The following ALK variants were observed in gnomAD, a reference collection of about 807,000 sequenced individuals.
ALK encodes the protein ALK receptor tyrosine kinase, also known as ALK tyrosine kinase receptor.
In ALK, 74 loss-of-function variants were observed where a neutral mutation model predicts 163.1. That is an observed-to-expected ratio of 0.45 (90% CI 0.38 to 0.55). The LOEUF (loss-of-function observed/expected upper bound fraction) is 0.55, where lower values mean the gene tolerates loss of function less well. Among genes scored for constraint, ALK ranks in the 20% least tolerant of loss-of-function variants. The probability of loss-of-function intolerance (pLI) is 0.00; values close to 1 mark genes in which losing one functional copy is unlikely to be tolerated. For missense variants in ALK, 2,063 were observed against 2,105.3 expected (o/e 0.98, Z 0.39); for synonymous variants, 960 against 843.2 (o/e 1.14, Z -2.40).
chr2:29,889,641 C>T (rs935760091), intron 1 of ALK, among the ~76,000 whole-genome samples: 4 of 150,240 alleles, frequency 2.7e-5, no homozygotes, highest in African/African-American at 9.8e-5. Flanking sequence ...CATGCACAGA[C>T]CCCCAGTACT....
intron 2 of ALK, among the ~76,000 whole-genome samples, chr2:29,704,882 T>A (rs1171930043): frequency 6.6e-6 from 1 of 152,070 alleles, no homozygotes; most frequent in African/African-American, 2.4e-5. Flanking sequence ...ATTTAACCAC[T>A]TGAGTCTTGG....
At chr2:29,621,645 T>C (rs1266166636) in intron 3 of ALK, among the ~76,000 whole-genome samples, 8 of 152,268 alleles carry the variant, frequency 5.3e-5, no homozygotes, top group Non-Finnish European at 1.2e-4. Flanking sequence ...AAGAAGGCAC[T>C]GTTGCCCAAC....
At chr2:29,504,480 C>T (rs775531659) in intron 4 of ALK, among the ~76,000 whole-genome samples, 129 of 152,228 alleles carry the variant, frequency 8.5e-4, no homozygotes, top group African/African-American at 2.1e-3. Flanking sequence ...GGAGGTACTG[C>T]TGTATCAGTT....
intron 3 of ALK, among the ~76,000 whole-genome samples, chr2:29,556,654 G>A (rs1673870387): frequency 6.6e-6 from 1 of 152,164 alleles, no homozygotes; most frequent in Admixed American, 6.5e-5. Context: ...TTAGGGTTTT[G>A]CTATTGATTT....
intron 9 of ALK, among the ~76,000 whole-genome samples, chr2:29,294,531 T>C (rs546410415): frequency 2.9e-4 from 44 of 152,350 alleles, no homozygotes; most frequent in African/African-American, 1.1e-3. Flanking sequence ...AAGAGGAGAC[T>C]GTGTTGTCTG....
At chr2:29,825,221 T>G (rs780075401) in intron 1 of ALK, among the ~76,000 whole-genome samples, 2 of 152,246 alleles carry the variant, frequency 1.3e-5, no homozygotes, top group Non-Finnish European at 2.9e-5. Flanking sequence ...AATTGCCCAG[T>G]CTCAGGTATG....
At position 29,770,157 on chromosome 2, in the gene ALK, G is replaced by A. The variant is rs139157484; in HGVS notation, c.668-52460C>T. Among the ~76,000 whole-genome samples the A allele has an allele frequency of 4.3e-3, 660 of 152,344 alleles. 7 individuals are homozygous for A. Among genetic ancestry groups the A allele is most frequent in the African/African-American group, 0.015 (611 of 41,578 alleles). ...AGGGACACCAGGCACAGTTAGAGGA[G>A]GAGGGTAAACTACCAAGTGTAGGAA... On this transcript the variant is annotated intron_variant, in intron 1 of 28. Transcript: ENST00000389048.
chr2:29,849,092 C>T (rs1365636096), intron 1 of ALK, among the ~76,000 whole-genome samples: 2 of 152,162 alleles, frequency 1.3e-5, no homozygotes, highest in African/African-American at 4.8e-5. Flanking sequence ...CCCCCCATCT[C>T]ACAGGACCCG....
At chr2:29,699,090 C>G (rs1678654581) in intron 2 of ALK, among the ~76,000 whole-genome samples, 1 of 152,184 alleles carries the variant, frequency 6.6e-6, no homozygotes, top group Non-Finnish European at 1.5e-5. Context: ...TCACCCTCTT[C>G]CAACTCAGTG....
At position 29,670,051 on chromosome 2, in the gene ALK, C is replaced by T. The variant is rs77890833; in HGVS notation, c.952+24799G>A. On this transcript the variant is annotated intron_variant, in intron 3 of 28. Transcript: ENST00000389048. The stretch of plus-strand genomic sequence containing the variant: ...ATATTAGAGTTATAAGTGAATTGCA[C>T]GCCATAATTACAATACAGTATTATG... Among the ~76,000 whole-genome samples the T allele has an allele frequency of 4.6e-3, 705 of 152,104 alleles. 4 individuals carry two copies. Among genetic ancestry groups the T allele is most frequent in the African/African-American group, 0.015 (604 of 41,528 alleles).
At chr2:29,789,448 C>T (rs1664132514) in intron 1 of ALK, among the ~76,000 whole-genome samples, 1 of 152,216 alleles carries the variant, frequency 6.6e-6, no homozygotes, top group East Asian at 1.9e-4. Context: ...GATTGACTGG[C>T]TTGGCAGAGT....
chr2:29,232,230 G>A, intron 15 of ALK, 74 bp downstream of exon 15: 1 of 1,577,374 alleles, frequency 6.3e-7, no homozygotes, highest in Non-Finnish European at 8.7e-7. Context: ...ATGCCCTCAG[G>A]CATGCGATGG....
At chr2:29,239,608 G>A in intron 13 of ALK, 72 bp downstream of exon 13, 3 of 1,575,800 alleles carry the variant, frequency 1.9e-6, no homozygotes, top group African/African-American at 2.7e-5. Context: ...GGTGTTGAGT[G>A]TTGGTGCCTC....
At chr2:29,779,936 T>A (rs903539158) in intron 1 of ALK, among the ~76,000 whole-genome samples, 1 of 152,182 alleles carries the variant, frequency 6.6e-6, no homozygotes, top group Admixed American at 6.5e-5. Flanking sequence ...ATGTATTACT[T>A]CACTGACACC....
At chr2:29,412,411 G>A (rs1304360066) in intron 4 of ALK, among the ~76,000 whole-genome samples, 2 of 152,172 alleles carry the variant, frequency 1.3e-5, no homozygotes, top group Non-Finnish European at 2.9e-5. Context: ...GCCAGATCAT[G>A]AAGGGTTTCC....
chr2:29,672,155 T>C (rs1366906637), intron 3 of ALK, among the ~76,000 whole-genome samples: 1 of 151,250 alleles, frequency 6.6e-6, no homozygotes, highest in East Asian at 1.9e-4. Flanking sequence ...GCAGGAAATA[T>C]ACAGTGGCTT....
At chr2:29,682,750 C>T (rs183809925) in intron 3 of ALK, among the ~76,000 whole-genome samples, 12 of 152,068 alleles carry the variant, frequency 7.9e-5, no homozygotes, top group Non-Finnish European at 1.2e-4. Context: ...AATATATAAC[C>T]GAAAGACTAT....
intron 1 of ALK, among the ~76,000 whole-genome samples, chr2:29,859,568 G>A (rs1299252087): frequency 6.6e-6 from 1 of 152,168 alleles, no homozygotes; most frequent in Admixed American, 6.5e-5. Flanking sequence ...AAAACCGCAG[G>A]TGGAAGAAGA....
intron 2 of ALK, among the ~76,000 whole-genome samples, chr2:29,716,155 C>T (rs781631379): frequency 2.6e-5 from 4 of 152,050 alleles, no homozygotes; most frequent in Non-Finnish European, 4.4e-5. Flanking sequence ...GGTAAATATG[C>T]CCAGAAGGGA....
Sources: allele counts gnomAD v4.1 joint callset (sites outside exome capture counted in the v4.1 genomes callset), GRCh38; gene constraint gnomAD v4.1.1; transcripts MANE v1.5; gene names NCBI Gene and HGNC (gene_info 2026-07-23, HGNC 2026-07-21).